Variants in CIP2A observed in about 807,000 individuals in gnomAD.
CIP2A encodes protein CIP2A.
A neutral mutation model predicts 110.9 loss-of-function variants in CIP2A; 103 were observed. The observed-to-expected ratio is 0.93, with a 90% CI of 0.79 to 1.09. The LOEUF (loss-of-function observed/expected upper bound fraction) is 1.09, where lower values mean the gene tolerates loss of function less well. CIP2A is among the 50% of genes least tolerant of loss of function. The pLI is 0.00. For synonymous variants in CIP2A, 381 were observed against 361.6 expected, an observed-to-expected ratio of 1.05 and a Z score of -0.61; for missense variants, 1,088 against 1,038.4, an observed-to-expected ratio of 1.05 and a Z score of -0.66.
At chr3:108,586,585 C>T (rs1939047682) in intron 1 of CIP2A, among the ~76,000 whole-genome samples, 1 of 152,170 alleles carries the variant, frequency 6.6e-6, no homozygotes, top group South Asian at 2.1e-4. Context: ...ACAGCACTTA[C>T]TCTGGCCTAG....
At position 108,557,165 on chromosome 3, in the gene CIP2A, C is replaced by T. The variant is rs145987829; in HGVS notation, c.2210+53G>A. 1.3e-3 allele frequency: 1,493 copies of T among 1,153,504 alleles called. 6 individuals carry two copies. In the African/African-American group the frequency reaches 0.016, roughly 12 times the overall value. 71.5% of individuals were successfully genotyped at this position (1,153,504 alleles called of 1,614,324 possible). On this transcript the variant is annotated intron_variant, in intron 17 of 20. Transcript: ENST00000295746. ...ATTTTCGGGTCTCAGAAAAGAAATG[C>T]TGCATGTTCATTCTAGGTTCTAACC...
Position 108,551,280 on chromosome 3 carries a change from G to C in CIP2A, c.2587C>G (p.Arg863Gly). The change falls in exon 21 of 21, where the codon CGT becomes GGT. Residue 863 changes from arginine (R) to glycine (G), a missense_variant. By Grantham distance (125) the Arg-to-Gly change is moderately radical (BLOSUM62 -2). Coordinates refer to ENST00000295746, the MANE Select transcript of CIP2A (RefSeq NM_020890.3). ...ACCAAGGACTCTTTCTCTTCCAAAC[G>C]ACCTTCTAATTGTGCCTTTTGAACC... ...LEVQKAQLEG[R>G]LEEKESLVKL... The C allele has an allele frequency of 6.2e-7, 1 of 1,611,872 alleles. No individual in the cohort carries two copies. The highest frequency in any genetic ancestry group is 8.5e-7 in the Non-Finnish European group (1 of 1,178,706).
At chr3:108,574,208 A>C (rs1191421836) in intron 8 of CIP2A, among the ~76,000 whole-genome samples, 2 of 152,160 alleles carry the variant, frequency 1.3e-5, no homozygotes, top group African/African-American at 4.8e-5. Flanking sequence ...AAGAGACATA[A>C]ACAGACACGT....
At chr3:108,571,871 TA>T (rs1377486294) in intron 8 of CIP2A, among the ~76,000 whole-genome samples, 2 of 152,156 alleles carry the variant, frequency 1.3e-5, no homozygotes, top group African/African-American at 4.8e-5. Context: ...AAATGAGAGT[TA>T]AAGTATGTTT....
intron 16 of CIP2A, among the ~76,000 whole-genome samples, chr3:108,557,828 C>T (rs1175607842): frequency 6.6e-6 from 1 of 152,118 alleles, no homozygotes; most frequent in South Asian, 2.1e-4. Flanking sequence ...CTTAATCAAA[C>T]ACTTAAAATT....
rs200378410 is a variant in CIP2A at position 108,560,672 on chromosome 3, C to G, written c.1804G>C (p.Glu602Gln). ...ACCACCATTCCAGACTGAAGTTTCT[C>G]TATTAATTCTTCAATATTCAATCCA... The part of the protein sequence containing the change: ...VPGLNIEELI[E>Q]KLQSGMVVKD... The change falls in exon 14 of 21, where the codon GAG becomes CAG. Residue 602 changes from glutamate to glutamine, a missense_variant. Glu to Gln is a conservative substitution (Grantham distance 29). Coordinates refer to ENST00000295746, the MANE Select transcript of CIP2A (RefSeq NM_020890.3). The G allele has an allele frequency of 4.7e-5, 75 of 1,607,910 alleles. No individual in the cohort carries two copies. Among genetic ancestry groups the G allele is most frequent in the Middle Eastern group, 1.7e-4 (1 of 5,944 alleles).
At chr3:108,575,555 T>C (rs1285763103) in intron 8 of CIP2A, among the ~76,000 whole-genome samples, 1 of 149,898 alleles carries the variant, frequency 6.7e-6, no homozygotes, top group East Asian at 2.0e-4. Flanking sequence ...TACATGTGTA[T>C]ATATACGTGT....
intron 7 of CIP2A, among the ~76,000 whole-genome samples, chr3:108,579,038 T>A (rs562972752): frequency 6.6e-6 from 1 of 152,262 alleles, no homozygotes; most frequent in Admixed American, 6.5e-5. Flanking sequence ...TTTTGGAGAA[T>A]GGCACAACCC....
Position 108,557,257 on chromosome 3 carries a change from T to C in CIP2A, c.2171A>G (p.His724Arg), listed in dbSNP as rs371699703. 14 of 1,604,514 alleles carry C rather than the reference T, an allele frequency of 8.7e-6. No individual in the cohort carries two copies. Among genetic ancestry groups the C allele is most frequent in the Non-Finnish European group, 1.2e-5 (14 of 1,173,670 alleles). ...CATGTAGGATTTTGTCAGTATTTCA[T>C]GTTCTTCAGCCACAGACTCTAACTT... ...NRKLESVAEE[H>R]EILTKSYMEL... The change falls in exon 17 of 21, where the codon CAT becomes CGT. Residue 724 changes from histidine (H) to arginine (R), a missense_variant. By Grantham distance (29) the His-to-Arg change is conservative. Transcript: ENST00000295746.
Position 108,559,828 on chromosome 3 carries a change from C to G in CIP2A, c.1942G>C (p.Ala648Pro), listed in dbSNP as rs1490855148. The change falls in exon 16 of 21, where the codon GCT (alanine) becomes CCT (proline). Residue 648 changes from alanine to proline, a missense_variant. By Grantham distance (27) the Ala-to-Pro change is conservative. Transcript: ENST00000295746. ...SRLQDLLETK[A>P]LALAQADRLI... ...CTATCAGCCTGTGCAAGGGCTAGAG[C>G]TTTTGTTTCCAAAAGATCTTGTAGC... is the stretch of plus-strand genomic sequence containing the variant. 2 of 1,607,968 alleles carry G rather than the reference C, an allele frequency of 1.2e-6. No individual in the cohort carries two copies. The highest frequency in any genetic ancestry group is 1.7e-6 in the Non-Finnish European group (2 of 1,175,688).
At chr3:108,562,330 TAGAC>T (rs929605292) in intron 13 of CIP2A, among the ~76,000 whole-genome samples, 2 of 152,096 alleles carry the variant, frequency 1.3e-5, no homozygotes, top group African/African-American at 2.4e-5. Flanking sequence ...GAAAGCAACA[TAGAC>T]AGAGTATAAA....
At chr3:108,570,379 G>T (rs1011705696) in intron 8 of CIP2A, among the ~76,000 whole-genome samples, 2 of 152,042 alleles carry the variant, frequency 1.3e-5, no homozygotes, top group East Asian at 3.9e-4. Flanking sequence ...TATAACAAAT[G>T]ATAATCTTTA....
intron 10 of CIP2A, among the ~76,000 whole-genome samples, chr3:108,567,019 T>C (rs1391236945): frequency 6.6e-6 from 1 of 151,840 alleles, no homozygotes; most frequent in Admixed American, 6.6e-5. Context: ...TCCAATTCAA[T>C]GAGAAGGCCC....
chr3:108,577,898 CTAAA>C (rs1178859510), intron 7 of CIP2A, among the ~76,000 whole-genome samples: 4 of 151,830 alleles, frequency 2.6e-5, no homozygotes, highest in Non-Finnish European at 5.9e-5. Flanking sequence ...GACTCTGTCT[CTAAA>C]TAAATAAATA....
At position 108,554,395 on chromosome 3, in the gene CIP2A, G is replaced by A. The variant is rs1937710404; in HGVS notation, c.2305C>T (p.Leu769Phe). The change falls in exon 18 of 21, where the codon CTC (leucine) becomes TTC (phenylalanine). Residue 769 changes from leucine (L) to phenylalanine (F), a missense_variant. Transcript: ENST00000295746. ...TTTTACTTTTCATTTTGTTCCTTGA[G>A]TGACTCATTCAACTTTTTCACTGTC... ...IETVKKLNESLKEQNEKSIAQ... is the reference protein window; with the variant it reads ...IETVKKLNESFKEQNEKSIAQ... 2 of 1,500,824 alleles carry A rather than the reference G, an allele frequency of 1.3e-6. No homozygotes were observed. The highest frequency in any genetic ancestry group is 1.4e-5 in the African/African-American group (1 of 72,692). 93.0% of individuals were successfully genotyped at this position (1,500,824 alleles called of 1,614,324 possible).
chr3:108,553,769 A>G, intron 18 of CIP2A, 39 bp from the exon 19 acceptor site: 1 of 1,490,468 alleles, frequency 6.7e-7, no homozygotes, highest in Non-Finnish European at 9.1e-7. Context: ...ACATTAATGA[A>G]CCATATACCA....
At chr3:108,581,558 A>G (rs1051650191) in intron 4 of CIP2A, 47 bp from the exon 5 acceptor site, 4 of 1,136,088 alleles carry the variant, frequency 3.5e-6, no homozygotes, top group South Asian at 1.3e-5. Flanking sequence ...ATAGTAAAAG[A>G]AAAAAAGCAT....
At chr3:108,580,436 A>AACACACAC (rs375166090) in intron 5 of CIP2A, among the ~76,000 whole-genome samples, 2,723 of 142,228 alleles carry the variant, frequency 0.019, 37 homozygotes, top group Middle Eastern at 0.024. Context: ...CAGAAATTGA[A>AACACACAC]ACACACACAC....
intron 13 of CIP2A, among the ~76,000 whole-genome samples, chr3:108,561,174 C>A (rs1937994721): frequency 6.6e-6 from 1 of 152,088 alleles, no homozygotes; most frequent in Admixed American, 6.6e-5. Flanking sequence ...TATCACCTGG[C>A]CTTTACGTCC....
Sources: allele counts gnomAD v4.1 joint callset (sites outside exome capture counted in the v4.1 genomes callset), GRCh38; gene constraint gnomAD v4.1.1; transcripts MANE v1.5; gene names NCBI Gene and HGNC (gene_info 2026-07-23, HGNC 2026-07-21).